The following TLR6 variants were observed in gnomAD, a reference collection of about 807,000 sequenced individuals.
TLR6 encodes toll like receptor 6.
In TLR6, 9 loss-of-function variants were observed where a neutral mutation model predicts 16.1. The observed-to-expected ratio is 0.56, with a 90% CI of 0.34 to 0.98. The LOEUF (loss-of-function observed/expected upper bound fraction) is 0.98, where lower values mean the gene tolerates loss of function less well. Among genes scored for constraint, TLR6 ranks in the 50% least tolerant of loss-of-function variants. TLR6 has a pLI of 0.02. For missense variants in TLR6, 786 were observed against 921.0 expected (o/e 0.85, Z 1.90); for synonymous variants, 340 against 338.6 (o/e 1.00, Z -0.04).
intron 1 of TLR6, among the ~76,000 whole-genome samples, chr4:38,849,307 C>T (rs1016944261): frequency 6.6e-5 from 10 of 152,276 alleles, no homozygotes; most frequent in African/African-American, 2.4e-4. Flanking sequence ...AGAACCGGTA[C>T]CAGCCACTGC....
intron 1 of TLR6, among the ~76,000 whole-genome samples, chr4:38,836,587 T>C (rs1711930457): frequency 6.6e-6 from 1 of 152,142 alleles, no homozygotes; most frequent in African/African-American, 2.4e-5. Flanking sequence ...TCAAAAAAAT[T>C]AAAGATGAAG....
upstream of TLR6, among the ~76,000 whole-genome samples, chr4:38,857,566 G>A (rs1713040391): frequency 6.6e-6 from 1 of 151,958 alleles, no homozygotes; most frequent in Non-Finnish European, 1.5e-5. Flanking sequence ...CAGACTTCTT[G>A]CTTAACTGAG....
At chr4:38,866,289 C>T in the TLR6 span, among the ~76,000 whole-genome samples, 4 of 150,788 alleles carry the variant, frequency 2.7e-5, no homozygotes, top group South Asian at 2.1e-4. Context: ...GTCAGGAGTT[C>T]GAGACCAGCC....
At chr4:38,840,813 A>G (rs1712223698) in intron 1 of TLR6, among the ~76,000 whole-genome samples, 1 of 152,218 alleles carries the variant, frequency 6.6e-6, no homozygotes, top group South Asian at 2.1e-4. Context: ...GTTGGTGTAA[A>G]TATGTAAATA....
chr4:38,859,085 G>C (rs1336999518), upstream of TLR6, among the ~76,000 whole-genome samples: 2 of 152,192 alleles, frequency 1.3e-5, no homozygotes, highest in African/African-American at 4.8e-5. Flanking sequence ...TAGCGCAGCT[G>C]GGTAATCGTT....
chr4:38,855,104 C>T (rs113165986), intron 1 of TLR6, among the ~76,000 whole-genome samples: 1,795 of 150,750 alleles, frequency 0.012, 39 homozygotes, highest in African/African-American at 0.041. Flanking sequence ...CCCAGCTACT[C>T]GGGAGGCTGA....
chr4:38,861,855 C>A, the TLR6 span, among the ~76,000 whole-genome samples: 1 of 152,148 alleles, frequency 6.6e-6, no homozygotes, highest in African/African-American at 2.4e-5. Context: ...TTTTCTAAAT[C>A]CATGCATTGT....
intron 1 of TLR6, among the ~76,000 whole-genome samples, chr4:38,854,298 C>T (rs144806191): frequency 0.02 from 3,068 of 152,182 alleles, 49 homozygotes; most frequent in Non-Finnish European, 0.026. Flanking sequence ...GAAGGAGGGG[C>T]AGATTCTATG....
chr4:38,829,518 T>A lies in TLR6; in HGVS notation c.-45A>T. The A allele has an allele frequency of 1.7e-6, 2 of 1,193,196 alleles. No homozygotes were observed. The highest frequency in any genetic ancestry group is 2.4e-6 in the Non-Finnish European group (2 of 833,572). The allele number at this position is 1,193,196 out of a possible 1,614,324, so 73.9% of individuals were successfully genotyped here. A position where few individuals can be genotyped will look rare whatever the true frequency, so the allele number is the denominator to read the frequency against. On this transcript the variant is annotated 5_prime_UTR_variant, in exon 2 of 2. An upstream start codon of the reference 5' UTR is lost. Coordinates refer to ENST00000436693, the Ensembl canonical transcript of TLR6. ...TAAAGGGTTGTTCTTCTTCAGAGCA[T>A]CTTGATATGAGTCCAAATTCTAGAA... is the stretch of plus-strand genomic sequence containing the variant.
At chr4:38,855,802 A>G (rs1411721728) in intron 1 of TLR6, among the ~76,000 whole-genome samples, 1 of 152,236 alleles carries the variant, frequency 6.6e-6, no homozygotes. Context: ...TTGGGAAAAA[A>G]GGAGGGAAAA....
At chr4:38,824,011 C>G (rs1727426006) in exon 2 of TLR6, 1 of 152,326 alleles carries the variant, frequency 6.6e-6, no homozygotes, top group African/African-American at 2.4e-5. Flanking sequence ...GGTCGGGCGC[C>G]CGGGCCGCCC....
the TLR6 span, chr4:38,867,989 G>A: frequency 1.5e-5 from 6 of 392,218 alleles, no homozygotes; most frequent in South Asian, 5.5e-5. Flanking sequence ...AGTGGTCAGG[G>A]AGGACCCGGC....
At chr4:38,842,057 T>C (rs1012998704) in intron 1 of TLR6, among the ~76,000 whole-genome samples, 1 of 152,192 alleles carries the variant, frequency 6.6e-6, no homozygotes, top group Non-Finnish European at 1.5e-5. Context: ...CATTCAGGAT[T>C]ATGGCACTTG....
At chr4:38,852,748 C>T (rs148906978) in intron 1 of TLR6, among the ~76,000 whole-genome samples, 43,068 of 146,056 alleles carry the variant, frequency 0.29, 7,751 homozygotes, top group East Asian at 0.56. Flanking sequence ...CTGGAGAGGA[C>T]GTGGAGAAAT....
chr4:38,831,500 A>G (rs1423226671), intron 1 of TLR6, among the ~76,000 whole-genome samples: 1 of 152,178 alleles, frequency 6.6e-6, no homozygotes, highest in African/African-American at 2.4e-5. Context: ...AAGAAAGAAA[A>G]CACTGTTAAG....
At chr4:38,860,161 C>T (rs1713164436), upstream of TLR6, among the ~76,000 whole-genome samples, 1 of 152,100 alleles carries the variant, frequency 6.6e-6, no homozygotes, top group Non-Finnish European at 1.5e-5. Flanking sequence ...ATAAGATACA[C>T]ATACGACAGA....
chr4:38,834,116 T>C lies in TLR6; in HGVS notation c.-64-4579A>G, dbSNP rs1257207437. On this transcript the variant is annotated intron_variant, in intron 1 of 1. Transcript: ENST00000436693. ...AGTTGGGCGTGGTGGCAGGCACCTG[T>C]AATCCCAGCTACTTGCGAGGCTGAG... 2.0e-5 allele frequency among the ~76,000 whole-genome samples: 3 copies of C among 151,046 alleles called. 1 individual carries two copies. Among genetic ancestry groups the C allele is most frequent in the African/African-American group, 7.3e-5 (3 of 41,172 alleles).
At chr4:38,831,856 A>G (rs1711599237) in intron 1 of TLR6, among the ~76,000 whole-genome samples, 2 of 152,236 alleles carry the variant, frequency 1.3e-5, no homozygotes, top group African/African-American at 4.8e-5. Flanking sequence ...AAACAACATC[A>G]AATGTTGGTG....
intron 1 of TLR6, among the ~76,000 whole-genome samples, chr4:38,848,962 C>T (rs892203799): frequency 6.6e-6 from 1 of 152,054 alleles, no homozygotes; most frequent in Non-Finnish European, 1.5e-5. Context: ...AGAGCAACTC[C>T]AAGACACATA....
Sources: allele counts gnomAD v4.1 joint callset (sites outside exome capture counted in the v4.1 genomes callset), GRCh38; gene constraint gnomAD v4.1.1; transcripts MANE v1.5; gene names NCBI Gene and HGNC (gene_info 2026-07-23, HGNC 2026-07-21).